The following SRPK1 variants were observed in gnomAD, a reference collection of about 807,000 sequenced individuals.
SRPK1 encodes the protein SRSF protein kinase 1.
In SRPK1, 52 loss-of-function variants were observed where a neutral mutation model predicts 89.5. The ratio of observed to expected loss-of-function variants is 0.58; its 90% confidence interval spans 0.46 to 0.73. The LOEUF (loss-of-function observed/expected upper bound fraction) is 0.73. Ranked by LOEUF, SRPK1 falls within the 30% of genes least tolerant of loss-of-function variation. The probability of loss-of-function intolerance (pLI) is 0.00; values close to 1 mark genes in which losing one functional copy is unlikely to be tolerated. For synonymous variants in SRPK1, 255 were observed against 270.2 expected, an observed-to-expected ratio of 0.94 and a Z score of 0.55; for missense variants, 603 against 780.6, an observed-to-expected ratio of 0.77 and a Z score of 2.71.
rs867832074 is a variant in SRPK1, at chr6:35,874,425, G to C, written c.479-86C>G. 43 of 869,806 alleles carry C rather than the reference G, an allele frequency of 4.9e-5. No homozygotes were observed. The Middle Eastern group carries it at 8.7e-4, about 18-fold the overall frequency. 53.9% of individuals were successfully genotyped at this position (869,806 alleles called of 1,614,324 possible). On this transcript the variant is annotated intron_variant, in intron 6 of 15. Transcript: ENST00000373825. ...TGAATTCCACCCTATTAAATGTTAT[G>C]TATTATTTTCTTTCAGTATAAAAAG...
rs1268016849 is a variant in SRPK1, at chr6:35,842,624, G to A, written c.1621-20C>T. ...AAAGGCCTAAAAAAAAAAGAGGACA[G>A]TATATGAAAGCACAAAAGAAAAGAA... On this transcript the variant is annotated intron_variant, in intron 13 of 15. Coordinates refer to ENST00000373825, the MANE Select transcript of SRPK1 (RefSeq NM_003137.5). The A allele has an allele frequency of 1.9e-6, 3 of 1,574,146 alleles. No individual in the cohort carries two copies. Among genetic ancestry groups the A allele is most frequent in the South Asian group, 2.4e-5 (2 of 83,056 alleles).
intron 12 of SRPK1, among the ~76,000 whole-genome samples, chr6:35,860,393 T>G (rs889907835): frequency 6.6e-6 from 1 of 152,136 alleles, no homozygotes; most frequent in African/African-American, 2.4e-5. Flanking sequence ...ATTAATTCTG[T>G]TGTGATGTAA....
At chr6:35,844,733 A>G (rs1034956636) in intron 13 of SRPK1, among the ~76,000 whole-genome samples, 1 of 152,196 alleles carries the variant, frequency 6.6e-6, no homozygotes, top group Non-Finnish European at 1.5e-5. Context: ...TCCGAGGTTT[A>G]TAGTCCCAAA....
chr6:35,862,582 A>C (rs1175224236), intron 12 of SRPK1, among the ~76,000 whole-genome samples: 2 of 152,250 alleles, frequency 1.3e-5, no homozygotes. Context: ...AAATGTGCAG[A>C]TATCAACGGA....
intron 14 of SRPK1, chr6:35,838,711 T>TACAG: frequency 6.9e-7 from 1 of 1,446,688 alleles, no homozygotes; most frequent in Non-Finnish European, 9.3e-7. Flanking sequence ...ACTACCTCTG[T>TACAG]GACTGAAGAA....
chr6:35,886,082 C>CA (rs1770402880), intron 6 of SRPK1, among the ~76,000 whole-genome samples: 1 of 136,620 alleles, frequency 7.3e-6, no homozygotes, highest in Admixed American at 7.4e-5. Flanking sequence ...TAGACAGTAT[C>CA]TTTTTTTTTT....
chr6:35,878,991 T>G (rs1264458680), intron 6 of SRPK1, among the ~76,000 whole-genome samples: 5 of 152,066 alleles, frequency 3.3e-5, no homozygotes, highest in African/African-American at 1.2e-4. Flanking sequence ...CATGGGAGGC[T>G]GAGGCAGGAG....
chr6:35,867,615 A>C (rs1769935005), intron 12 of SRPK1, among the ~76,000 whole-genome samples: 1 of 152,160 alleles, frequency 6.6e-6, no homozygotes, highest in African/African-American at 2.4e-5. Context: ...CCGGAGTTTG[A>C]GGCTGGCCTG....
chr6:35,886,582 T>A (rs913824592), intron 6 of SRPK1, 142 bp downstream of exon 6: 6 of 625,352 alleles, frequency 9.6e-6, no homozygotes, highest in African/African-American at 9.4e-5. Flanking sequence ...AATTCAGATG[T>A]GTGTTCAGAA....
intron 2 of SRPK1, among the ~76,000 whole-genome samples, chr6:35,912,198 A>G (rs532409969): frequency 6.6e-6 from 1 of 152,232 alleles, no homozygotes; most frequent in Non-Finnish European, 1.5e-5. Context: ...TAAAAAATAA[A>G]AAATGAGCTG....
intron 11 of SRPK1, 99 bp from the exon 12 acceptor site, chr6:35,869,209 T>A (rs1260833195): frequency 9.7e-7 from 1 of 1,027,214 alleles, no homozygotes; most frequent in Non-Finnish European, 1.4e-6. Context: ...CAGTCAGCAA[T>A]ACCCAAGTGA....
At chr6:35,856,035 G>C (rs1013292691) in intron 13 of SRPK1, among the ~76,000 whole-genome samples, 32 of 152,142 alleles carry the variant, frequency 2.1e-4, no homozygotes, top group African/African-American at 7.2e-4. Flanking sequence ...CCCCTATATA[G>C]TTTTAGATGA....
intron 2 of SRPK1, 167 bp downstream of exon 2, chr6:35,920,301 G>C (rs1771204458): frequency 1.4e-6 from 1 of 736,722 alleles, no homozygotes; most frequent in South Asian, 1.5e-5. Flanking sequence ...AGCAACAGCA[G>C]CTCTCTTCCA....
At chr6:35,884,080 AAAAT>A (rs978380417) in intron 6 of SRPK1, among the ~76,000 whole-genome samples, 1 of 152,160 alleles carries the variant, frequency 6.6e-6, no homozygotes, top group African/African-American at 2.4e-5. Flanking sequence ...CAGTGTAAAG[AAAAT>A]AACAAAAGGC....
intron 2 of SRPK1, among the ~76,000 whole-genome samples, chr6:35,893,458 A>G (rs1451528704): frequency 6.6e-6 from 1 of 150,760 alleles, no homozygotes; most frequent in Non-Finnish European, 1.5e-5. Flanking sequence ...GCACTCCAGC[A>G]TGGGCGACAG....
At chr6:35,876,239 A>C (rs529561590) in intron 6 of SRPK1, among the ~76,000 whole-genome samples, 46 of 152,280 alleles carry the variant, frequency 3.0e-4, no homozygotes, top group Non-Finnish European at 4.9e-4. Flanking sequence ...ACATCACCAA[A>C]TGTAGGTGAG....
intron 3 of SRPK1, among the ~76,000 whole-genome samples, chr6:35,889,981 G>A (rs1288172559): frequency 4.0e-5 from 6 of 151,262 alleles, no homozygotes; most frequent in African/African-American, 1.5e-4. Flanking sequence ...GGTGGCGGGC[G>A]CCTGTAGTCC....
intron 6 of SRPK1, among the ~76,000 whole-genome samples, chr6:35,885,056 A>G (rs900988364): frequency 5.9e-5 from 9 of 152,148 alleles, no homozygotes; most frequent in Admixed American, 2.0e-4. Context: ...TTGCTTAGTT[A>G]GGGTCAAATA....
intron 13 of SRPK1, 135 bp from the exon 14 acceptor site, chr6:35,842,739 A>T: frequency 1.9e-6 from 1 of 520,054 alleles, no homozygotes. Context: ...AAAAAAAAAA[A>T]AACAAAAACT....
Sources: gnomAD v4.1 joint callset for allele counts (sites outside exome capture counted in the v4.1 genomes callset) on GRCh38, gnomAD v4.1.1 for gene constraint, MANE v1.5 for transcripts, NCBI Gene and HGNC (gene_info 2026-07-23, HGNC 2026-07-21) for gene names.